GRIK3: variants seen among roughly 807,000 people sequenced by gnomAD.
The protein encoded by GRIK3 is glutamate receptor ionotropic, kainate 3.
GRIK3 carries 29 observed loss-of-function variants against 102.5 expected under a neutral mutation model. That is an observed-to-expected ratio of 0.28 (90% CI 0.21 to 0.39). The LOEUF (loss-of-function observed/expected upper bound fraction) is 0.39. GRIK3 is among the 10% of genes least tolerant of loss of function. GRIK3 has a pLI of 1.00. For missense variants in GRIK3, 908 were observed against 1,252.4 expected (o/e 0.73, Z 4.15); for synonymous variants, 511 against 504.9 (o/e 1.01, Z -0.16).
At chr1:37,024,473 T>G (rs1230344607) in intron 1 of GRIK3, among the ~76,000 whole-genome samples, 2 of 149,670 alleles carry the variant, frequency 1.3e-5, no homozygotes, top group East Asian at 3.9e-4. Context: ...TTATTATTAT[T>G]ATTATTTTGA....
intron 10 of GRIK3, 96 bp downstream of exon 10, chr1:36,841,640 C>A (rs1557699231): frequency 1.9e-6 from 2 of 1,079,792 alleles, no homozygotes; most frequent in African/African-American, 1.5e-5. Context: ...TCCCCAGGGC[C>A]TTTTTCTGCC....
intron 7 of GRIK3, among the ~76,000 whole-genome samples, chr1:36,854,049 G>A (rs1010487698): frequency 2.6e-5 from 4 of 152,172 alleles, no homozygotes; most frequent in African/African-American, 7.2e-5. Context: ...GGAGGCAGGC[G>A]GGCAGAGTAG....
chr1:37,031,355 T>C lies in GRIK3; in HGVS notation c.115+2639A>G, dbSNP rs945261911. Among the ~76,000 whole-genome samples, 40 of 152,368 alleles carry C rather than the reference T, an allele frequency of 2.6e-4. 1 individual carries two copies. Among genetic ancestry groups the C allele is most frequent in the Middle Eastern group, 3.4e-3 (1 of 294 alleles). ...TCAATGCCTTGACCTCTCCTTCTGA[T>C]AGACACAATTACAAAAAGACAGAGC... On this transcript the variant is annotated intron_variant, in intron 1 of 15. Transcript: ENST00000373091.
At chr1:36,993,186 G>A (rs1642380908) in intron 1 of GRIK3, among the ~76,000 whole-genome samples, 1 of 152,156 alleles carries the variant, frequency 6.6e-6, no homozygotes, top group South Asian at 2.1e-4. Flanking sequence ...AGAGTGCTGG[G>A]ACCTGATGCA....
At chr1:36,894,772 C>G (rs76560588) in intron 1 of GRIK3, among the ~76,000 whole-genome samples, 2 of 152,160 alleles carry the variant, frequency 1.3e-5, no homozygotes, top group African/African-American at 4.8e-5. Flanking sequence ...TGGGCCCCCA[C>G]GCTTTTGTGA....
intron 1 of GRIK3, among the ~76,000 whole-genome samples, chr1:36,915,481 G>A (rs553763672): frequency 1.3e-5 from 2 of 152,316 alleles, no homozygotes; most frequent in East Asian, 1.9e-4. Context: ...AAACTCCGGG[G>A]TGGGAACAAG....
At chr1:36,995,317 C>T (rs1642409163) in intron 1 of GRIK3, among the ~76,000 whole-genome samples, 11 of 152,158 alleles carry the variant, frequency 7.2e-5, no homozygotes, top group Admixed American at 7.2e-4. Context: ...GAAGGAGCAG[C>T]CCTTGGGCAC....
chr1:36,970,373 G>A (rs573155456), intron 1 of GRIK3, among the ~76,000 whole-genome samples: 10 of 152,192 alleles, frequency 6.6e-5, no homozygotes, highest in East Asian at 3.9e-4. Context: ...GTCTGATATC[G>A]GAGGTCCGCA....
intron 15 of GRIK3, among the ~76,000 whole-genome samples, chr1:36,802,381 C>A (rs530004552): frequency 6.6e-6 from 1 of 152,270 alleles, no homozygotes; most frequent in African/African-American, 2.4e-5. Context: ...ACTCGGAGGG[C>A]AGGAACCAGC....
chr1:36,963,969 A>G (rs577461499), intron 1 of GRIK3, among the ~76,000 whole-genome samples: 1 of 152,356 alleles, frequency 6.6e-6, no homozygotes, highest in East Asian at 1.9e-4. Context: ...GACAGGGTTT[A>G]AAGCCAGAGC....
intron 1 of GRIK3, among the ~76,000 whole-genome samples, chr1:36,913,420 GT>G (rs5773550): frequency 0.89 from 135,628 of 152,156 alleles, 60,498 homozygotes; most frequent in East Asian, 0.99. Flanking sequence ...CCTGTTCTGC[GT>G]TTATTACTTC....
intron 1 of GRIK3, among the ~76,000 whole-genome samples, chr1:37,026,061 C>T (rs1056885028): frequency 4.6e-5 from 7 of 152,216 alleles, no homozygotes; most frequent in African/African-American, 1.7e-4. Flanking sequence ...TCTCCAGTCT[C>T]CAGTGGCCTG....
intron 3 of GRIK3, among the ~76,000 whole-genome samples, chr1:36,879,404 G>A (rs1409196024): frequency 1.3e-5 from 2 of 152,156 alleles, no homozygotes; most frequent in African/African-American, 4.8e-5. Context: ...TGAGGTGGGA[G>A]GATCTCTTGA....
At position 36,802,177 on chromosome 1, in the gene GRIK3, C is replaced by T. The variant is rs538622107; in HGVS notation, c.2566-132G>A. 2.0e-4 allele frequency: 120 copies of T among 610,260 alleles called. No homozygotes were observed. In the East Asian group the frequency reaches 3.4e-3, roughly 17 times the overall value. The allele number at this position is 610,260 out of a possible 1,614,324, so 37.8% of individuals were successfully genotyped here. ...ACCCGTCTTTCTCACACCTTCACCC[C>T]ACCCATCCCTCTGCCACCTGCAGGA... On this transcript the variant is annotated intron_variant, in intron 15 of 15. Coordinates refer to ENST00000373091, the MANE Select transcript of GRIK3 (RefSeq NM_000831.4).
At chr1:36,805,951 A>G (rs1642494892) in intron 14 of GRIK3, among the ~76,000 whole-genome samples, 153 bp downstream of exon 14, 1 of 151,140 alleles carries the variant, frequency 6.6e-6, no homozygotes, top group African/African-American at 2.4e-5. Context: ...AAAAAAAAAA[A>G]AAAAAAAAAA....
intron 1 of GRIK3, among the ~76,000 whole-genome samples, chr1:36,920,730 G>C (rs1370817702): frequency 6.6e-6 from 1 of 152,214 alleles, no homozygotes; most frequent in African/African-American, 2.4e-5. Flanking sequence ...AGGGAGCTGT[G>C]GAGGCCCCAG....
chr1:36,979,159 T>A (rs1441422454), intron 1 of GRIK3, among the ~76,000 whole-genome samples: 1 of 152,226 alleles, frequency 6.6e-6, no homozygotes, highest in African/African-American at 2.4e-5. Flanking sequence ...GGTATCCACC[T>A]CCAATTTAAT....
chr1:36,998,287 A>C (rs1642440637), intron 1 of GRIK3, among the ~76,000 whole-genome samples: 1 of 152,190 alleles, frequency 6.6e-6, no homozygotes, highest in Non-Finnish European at 1.5e-5. Context: ...TCTTCCCGTC[A>C]GGTTAAAATA....
At chr1:36,851,773 T>C (rs61769815) in intron 8 of GRIK3, among the ~76,000 whole-genome samples, 18,574 of 152,248 alleles carry the variant, frequency 0.12, 1,258 homozygotes, top group Non-Finnish European at 0.16. Context: ...TCTTGAGTAT[T>C]AGCTACGGCC....
Sources: allele counts gnomAD v4.1 joint callset (sites outside exome capture counted in the v4.1 genomes callset), GRCh38; gene constraint gnomAD v4.1.1; transcripts MANE v1.5; gene names NCBI Gene and HGNC (gene_info 2026-07-23, HGNC 2026-07-21).